The following SLC35F1 variants were observed in gnomAD, a reference collection of about 807,000 sequenced individuals.
The protein encoded by SLC35F1 is chromosome 6 open reading frame 169.
A neutral mutation model predicts 48.7 loss-of-function variants in SLC35F1; 14 were observed. The observed-to-expected ratio is 0.29, with a 90% CI of 0.19 to 0.45. The LOEUF is 0.45. SLC35F1 is among the 20% of genes least tolerant of loss of function. The pLI is 1.00. For missense variants in SLC35F1, 404 were observed against 500.0 expected, an observed-to-expected ratio of 0.81 and a Z score of 1.83; for synonymous variants, 190 against 202.2, an observed-to-expected ratio of 0.94 and a Z score of 0.51.
chr6:118,257,712 A>G (rs1477741399), intron 3 of SLC35F1, among the ~76,000 whole-genome samples: 2 of 152,218 alleles, frequency 1.3e-5, no homozygotes, highest in Non-Finnish European at 2.9e-5. Context: ...GACACAAAAG[A>G]CAGCCTCTAA....
intron 3 of SLC35F1, among the ~76,000 whole-genome samples, chr6:118,252,169 A>T (rs1177817865): frequency 6.6e-6 from 1 of 152,120 alleles, no homozygotes; most frequent in Admixed American, 6.5e-5. Context: ...ATGTGATCTA[A>T]TTTGTATTTT....
At chr6:117,913,482 T>C (rs1474529255) in intron 1 of SLC35F1, among the ~76,000 whole-genome samples, 1 of 152,210 alleles carries the variant, frequency 6.6e-6, no homozygotes, top group South Asian at 2.1e-4. Context: ...ACATAATGCC[T>C]AAATAAATGC....
chr6:118,285,784 T>C (rs184261720), intron 7 of SLC35F1, among the ~76,000 whole-genome samples: 1 of 152,238 alleles, frequency 6.6e-6, no homozygotes, highest in East Asian at 1.9e-4. Flanking sequence ...TTATAGCAAA[T>C]ATGAATGGAA....
chr6:118,097,918 A>G (rs1773201685), intron 1 of SLC35F1, among the ~76,000 whole-genome samples: 1 of 152,154 alleles, frequency 6.6e-6, no homozygotes, highest in Non-Finnish European at 1.5e-5. Flanking sequence ...AAATAGATTT[A>G]TTTCTTAAGC....
intron 1 of SLC35F1, among the ~76,000 whole-genome samples, chr6:118,148,471 C>T (rs564483872): frequency 6.6e-5 from 10 of 151,878 alleles, no homozygotes; most frequent in African/African-American, 2.2e-4. Flanking sequence ...GAACGAAGTG[C>T]CGGTGGTAAT....
At chr6:118,013,713 A>AT (rs901073882) in intron 1 of SLC35F1, among the ~76,000 whole-genome samples, 5 of 151,908 alleles carry the variant, frequency 3.3e-5, no homozygotes, top group East Asian at 3.9e-4. Context: ...TTGGATTGTT[A>AT]TTTTTTTTCA....
chr6:117,980,251 C>A (rs1403662560), intron 1 of SLC35F1, among the ~76,000 whole-genome samples: 1 of 151,994 alleles, frequency 6.6e-6, no homozygotes, highest in Admixed American at 6.6e-5. Flanking sequence ...GCTAGACCTC[C>A]AAAACCTCTG....
intron 1 of SLC35F1, among the ~76,000 whole-genome samples, chr6:118,113,954 A>G (rs919471543): frequency 2.6e-5 from 4 of 152,242 alleles, no homozygotes; most frequent in African/African-American, 9.6e-5. Flanking sequence ...GCAATGTTCA[A>G]TGACTTGTTT....
chr6:118,295,486 A>C (rs996207780), intron 7 of SLC35F1, among the ~76,000 whole-genome samples: 2 of 152,200 alleles, frequency 1.3e-5, no homozygotes, highest in African/African-American at 4.8e-5. Context: ...GGAAACTTTC[A>C]TTAAGAGTGG....
intron 1 of SLC35F1, among the ~76,000 whole-genome samples, chr6:118,051,137 AT>A (rs1451913656): frequency 1.3e-5 from 2 of 152,200 alleles, no homozygotes; most frequent in Non-Finnish European, 2.9e-5. Context: ...TGCATTATAG[AT>A]TTGAAATTTA....
intron 1 of SLC35F1, among the ~76,000 whole-genome samples, chr6:118,079,701 G>A (rs1218905782): frequency 6.6e-6 from 1 of 152,168 alleles, no homozygotes; most frequent in Non-Finnish European, 1.5e-5. Context: ...GTGTCCTGGT[G>A]CTGGTTGAAT....
intron 1 of SLC35F1, among the ~76,000 whole-genome samples, chr6:118,005,023 C>G (rs1353549670): frequency 2.0e-5 from 3 of 151,950 alleles, no homozygotes; most frequent in Non-Finnish European, 4.4e-5. Flanking sequence ...CACAGGCATG[C>G]TAGGATATGA....
At chr6:117,943,277 T>A (rs935501924) in intron 1 of SLC35F1, among the ~76,000 whole-genome samples, 16 of 152,314 alleles carry the variant, frequency 1.1e-4, no homozygotes, top group African/African-American at 3.8e-4. Context: ...ATTTAAGTGT[T>A]ATTATAATTT....
intron 2 of SLC35F1, among the ~76,000 whole-genome samples, chr6:118,169,547 C>G (rs952748987): frequency 6.6e-6 from 1 of 152,152 alleles, no homozygotes; most frequent in African/African-American, 2.4e-5. Context: ...GAGACCCTTA[C>G]AGATGCGCTC....
chr6:118,144,219 A>G (rs987285602), intron 1 of SLC35F1, among the ~76,000 whole-genome samples: 2 of 152,248 alleles, frequency 1.3e-5, no homozygotes, highest in Non-Finnish European at 2.9e-5. Context: ...TGGATAAAGA[A>G]AATGTGGTAC....
At chr6:117,983,933 A>T (rs929094109) in intron 1 of SLC35F1, among the ~76,000 whole-genome samples, 41 of 152,234 alleles carry the variant, frequency 2.7e-4, no homozygotes, top group African/African-American at 9.2e-4. Flanking sequence ...CTACAATGGG[A>T]TGATAATTGG....
At chr6:118,138,971 A>AACAC (rs58109876) in intron 1 of SLC35F1, among the ~76,000 whole-genome samples, 18,372 of 149,986 alleles carry the variant, frequency 0.12, 1,199 homozygotes, top group South Asian at 0.14. Flanking sequence ...TTTCAGCAGA[A>AACAC]ACACACACAC....
At chr6:118,145,980 G>A (rs1218878401) in intron 1 of SLC35F1, among the ~76,000 whole-genome samples, 5 of 152,154 alleles carry the variant, frequency 3.3e-5, no homozygotes, top group Admixed American at 1.3e-4. Flanking sequence ...TTTTTGTGTT[G>A]ACAATTAATG....
chr6:118,017,828 T>TA (rs1052190135), intron 1 of SLC35F1, among the ~76,000 whole-genome samples: 5 of 152,300 alleles, frequency 3.3e-5, no homozygotes, highest in South Asian at 2.1e-4. Context: ...GATCAAATTT[T>TA]AAAAAATGCA....
Sources: gnomAD v4.1 joint callset for allele counts (sites outside exome capture counted in the v4.1 genomes callset) on GRCh38, gnomAD v4.1.1 for gene constraint, MANE v1.5 for transcripts, NCBI Gene and HGNC (gene_info 2026-07-23, HGNC 2026-07-21) for gene names.